Variants in ANKRD33B observed in about 807,000 individuals in gnomAD.
ANKRD33B encodes ankyrin repeat domain 33B, also known as ankyrin repeat domain-containing protein 33B.
In ANKRD33B, 6 loss-of-function variants were observed where a neutral mutation model predicts 21.5. That is an observed-to-expected ratio of 0.28 (90% CI 0.15 to 0.55). The LOEUF (loss-of-function observed/expected upper bound fraction) is 0.55, where lower values mean the gene tolerates loss of function less well. Ranked by LOEUF, ANKRD33B falls within the 20% of genes least tolerant of loss-of-function variation. ANKRD33B has a pLI of 0.94. For synonymous variants in ANKRD33B, 347 were observed against 342.4 expected, an observed-to-expected ratio of 1.01 and a Z score of -0.15; for missense variants, 698 against 747.2, an observed-to-expected ratio of 0.93 and a Z score of 0.77.
chr5:10,613,674 G>A (rs2126578438), intron 1 of ANKRD33B, among the ~76,000 whole-genome samples: 1 of 152,196 alleles, frequency 6.6e-6, no homozygotes, highest in African/African-American at 2.4e-5. Context: ...GCCAAGGAGG[G>A]CAGATCACAA....
At chr5:10,604,900 A>T (rs1247723666) in intron 1 of ANKRD33B, among the ~76,000 whole-genome samples, 1 of 152,212 alleles carries the variant, frequency 6.6e-6, no homozygotes, top group Non-Finnish European at 1.5e-5. Flanking sequence ...TTTAAATAAT[A>T]ATTATCATTT....
chr5:10,614,892 AC>A (rs112402747), intron 1 of ANKRD33B, among the ~76,000 whole-genome samples: 11,990 of 149,510 alleles, frequency 0.08, 770 homozygotes, highest in African/African-American at 0.18. Flanking sequence ...ATCTCAAAAA[AC>A]AAAAAAAGTG....
At chr5:10,587,086 C>G (rs1318464701) in intron 1 of ANKRD33B, among the ~76,000 whole-genome samples, 1 of 152,096 alleles carries the variant, frequency 6.6e-6, no homozygotes, top group African/African-American at 2.4e-5. Flanking sequence ...GCGATCTTGG[C>G]TCACTGCAAC....
rs1458719905 is a variant in ANKRD33B at position 10,564,299 on chromosome 5, CTT to C, written c.-164_-163del. On this transcript the variant is annotated 5_prime_UTR_variant, in exon 1 of 4. Transcript: ENST00000296657. ...CAGGGGCTCGCTCAGCCTCCGGAGA[CTT>C]TTTTCTTTGAGCGCAGCCGCCTGGT... 2.9e-6 allele frequency: 1 copy of C among 339,348 alleles called. No homozygotes were observed. The highest frequency in any genetic ancestry group is 4.2e-6 in the Non-Finnish European group (1 of 236,872). 21.0% of individuals were successfully genotyped at this position (339,348 alleles called of 1,614,324 possible).
rs146065322 is a variant in ANKRD33B at position 10,606,706 on chromosome 5, C to T, written c.367-11627C>T. On this transcript the variant is annotated intron_variant, in intron 1 of 3. Coordinates refer to ENST00000296657, the MANE Select transcript of ANKRD33B (RefSeq NM_001164440.2). ...CTGAGATCGTGCCACTGCACTCCAG[C>T]CTGGCGACAGAGCAAGACTCTGTCT... Among the ~76,000 whole-genome samples the T allele has an allele frequency of 6.5e-3, 989 of 151,572 alleles. 9 individuals carry two copies. Among genetic ancestry groups the T allele is most frequent in the African/African-American group, 0.023 (934 of 41,416 alleles).
chr5:10,628,810 G>T (rs943771274), intron 2 of ANKRD33B, among the ~76,000 whole-genome samples: 1 of 152,188 alleles, frequency 6.6e-6, no homozygotes. Flanking sequence ...ATATATGCAT[G>T]GGAACGTGGA....
At chr5:10,580,468 G>A (rs940847896) in intron 1 of ANKRD33B, among the ~76,000 whole-genome samples, 13 of 152,134 alleles carry the variant, frequency 8.5e-5, no homozygotes, top group African/African-American at 2.7e-4. Context: ...TTGCCTGCTC[G>A]AGTTTGAGCA....
At chr5:10,622,944 C>T (rs1035070817) in intron 2 of ANKRD33B, among the ~76,000 whole-genome samples, 7 of 152,038 alleles carry the variant, frequency 4.6e-5, no homozygotes, top group Admixed American at 4.6e-4. Flanking sequence ...GGAAAGGGCT[C>T]CAGCTGATTT....
At chr5:10,586,859 C>T (rs1735576985) in intron 1 of ANKRD33B, among the ~76,000 whole-genome samples, 1 of 151,964 alleles carries the variant, frequency 6.6e-6, no homozygotes, top group South Asian at 2.1e-4. Flanking sequence ...TCATGTGTTG[C>T]CTGGCTTTTA....
Position 10,652,002 on chromosome 5 carries a change from C to T in ANKRD33B, c.*1889C>T, listed in dbSNP as rs1737368184. The T allele has an allele frequency of 6.6e-6, 1 of 152,356 alleles. No individual in the cohort carries two copies. 9.4% of individuals were successfully genotyped at this position (152,356 alleles called of 1,614,324 possible). On this transcript the variant is annotated 3_prime_UTR_variant, in exon 4 of 4. Coordinates refer to ENST00000296657, the MANE Select transcript of ANKRD33B (RefSeq NM_001164440.2). This position sits in a 1 kb window ranked among gnomAD's most constrained non-coding sequence, Gnocchi z 4.1. Reference sequence around the variant, plus strand: ...CAGATATTAGTTGACTGTGGGTCACCCTCGTGGCCAAGGAGTTGGGATTGG... The same window carrying T: ...CAGATATTAGTTGACTGTGGGTCACTCTCGTGGCCAAGGAGTTGGGATTGG...
intron 2 of ANKRD33B, among the ~76,000 whole-genome samples, chr5:10,620,843 C>T (rs1282073252): frequency 6.6e-6 from 1 of 152,212 alleles, no homozygotes; most frequent in Non-Finnish European, 1.5e-5. Context: ...GATATTTCCC[C>T]TCTGTAATTA....
rs1223262898 is a variant in ANKRD33B, at chr5:10,576,957, C to A, written c.366+12124C>A. Reference sequence around the variant, plus strand: ...TGAAACGCTGGCCCAGGAAATGGAACAGAAGCCTGTTGTGGGTGGGAGGAG... The same window carrying A: ...TGAAACGCTGGCCCAGGAAATGGAAAAGAAGCCTGTTGTGGGTGGGAGGAG... On this transcript the variant is annotated intron_variant, in intron 1 of 3. Transcript: ENST00000296657. This position sits in a 1 kb window ranked among gnomAD's most constrained non-coding sequence, Gnocchi z 4.1. Among the ~76,000 whole-genome samples the A allele has an allele frequency of 6.6e-6, 1 of 152,138 alleles. No individual in the cohort carries two copies. Among genetic ancestry groups the A allele is most frequent in the Admixed American group, 6.5e-5 (1 of 15,290 alleles).
intron 1 of ANKRD33B, among the ~76,000 whole-genome samples, chr5:10,597,880 C>T (rs1157641133): frequency 6.6e-6 from 1 of 152,194 alleles, no homozygotes; most frequent in Non-Finnish European, 1.5e-5. Flanking sequence ...TAATGTGAAC[C>T]TCTAATTCTT....
At chr5:10,630,891 AAG>A in intron 2 of ANKRD33B, among the ~76,000 whole-genome samples, 1 of 151,076 alleles carries the variant, frequency 6.6e-6, no homozygotes, top group African/African-American at 2.4e-5. Context: ...AAAAAAGAAG[AAG>A]AAATATAATG....
chr5:10,574,504 AT>A (rs1415935382), intron 1 of ANKRD33B, among the ~76,000 whole-genome samples: 1 of 152,232 alleles, frequency 6.6e-6, no homozygotes, highest in Non-Finnish European at 1.5e-5. Context: ...ACATATCAAA[AT>A]TTGTGGGGAA....
At chr5:10,591,655 A>G (rs774910007) in intron 1 of ANKRD33B, among the ~76,000 whole-genome samples, 5 of 152,126 alleles carry the variant, frequency 3.3e-5, no homozygotes, top group Non-Finnish European at 5.9e-5. Flanking sequence ...GTGTCTCATT[A>G]ATATTTTAAT....
At chr5:10,589,782 G>T (rs183342254) in intron 1 of ANKRD33B, among the ~76,000 whole-genome samples, 1 of 152,034 alleles carries the variant, frequency 6.6e-6, no homozygotes, top group Non-Finnish European at 1.5e-5. Context: ...TGAATATGCG[G>T]CTTGATATCT....
intron 1 of ANKRD33B, among the ~76,000 whole-genome samples, chr5:10,581,213 G>A (rs1735436955): frequency 6.6e-6 from 1 of 152,236 alleles, no homozygotes; most frequent in Non-Finnish European, 1.5e-5. Flanking sequence ...CCTTGGCAGG[G>A]CTGCCTCCTC....
intron 1 of ANKRD33B, among the ~76,000 whole-genome samples, chr5:10,589,222 G>A (rs919947573): frequency 7.2e-5 from 11 of 152,022 alleles, no homozygotes; most frequent in Admixed American, 2.0e-4. Context: ...AGGCCCCTCC[G>A]TTTCTCGTTC....
Sources: gnomAD v4.1 joint callset for allele counts (sites outside exome capture counted in the v4.1 genomes callset) on GRCh38, gnomAD v4.1.1 for gene constraint, Gnocchi (gnomAD v3.1) non-coding constraint, MANE v1.5 for transcripts, NCBI Gene and HGNC (gene_info 2026-07-23, HGNC 2026-07-21) for gene names.